Variants in MACROD1 observed in about 807,000 individuals in gnomAD.
MACROD1 encodes the protein mono-ADP ribosylhydrolase 1, also known as ADP-ribose glycohydrolase MACROD1.
MACROD1 carries 31 observed loss-of-function variants against 41.4 expected under a neutral mutation model. That is an observed-to-expected ratio of 0.75 (90% CI 0.56 to 1.01). The LOEUF (loss-of-function observed/expected upper bound fraction) is 1.01. Ranked by LOEUF, MACROD1 falls within the 50% of genes least tolerant of loss-of-function variation. The pLI, the probability that MACROD1 is intolerant of heterozygous loss-of-function variation, is 0.00. For missense variants in MACROD1, 473 were observed against 460.0 expected, an observed-to-expected ratio of 1.03 and a Z score of -0.26; for synonymous variants, 252 against 203.4, an observed-to-expected ratio of 1.24 and a Z score of -2.03.
intron 3 of MACROD1, among the ~76,000 whole-genome samples, chr11:64,022,892 T>TC (rs71045722): frequency 1.4e-5 from 2 of 145,422 alleles, no homozygotes; most frequent in African/African-American, 5.0e-5. Flanking sequence ...TTTTTTTTTT[T>TC]GAGATGGAGC....
chr11:63,999,010 G>A lies in MACROD1; in HGVS notation c.918C>T (p.Phe306=), dbSNP rs765124201. The stretch of plus-strand genomic sequence containing the variant: ...GGTAGATGTCCTCGTCCTTCTCGAG[G>A]AACACGCAGATGATCAGCCGGTCCA... The part of the protein sequence containing the change: ...DKVDRLIICV[F]LEKDEDIYRS... Residue 306 remains phenylalanine (F), a synonymous_variant, in exon 9 of 11, where the codon TTC becomes TTT. Transcript: ENST00000255681. 4 of 1,608,314 alleles carry A rather than the reference G, an allele frequency of 2.5e-6. No homozygotes were observed.
chr11:64,073,023 A>T (rs567327093), intron 3 of MACROD1, among the ~76,000 whole-genome samples: 1 of 152,276 alleles, frequency 6.6e-6, no homozygotes, highest in East Asian at 1.9e-4. Flanking sequence ...ACCCACAGGC[A>T]GCCAGAGGCA....
chr11:64,124,819 T>C (rs1297041822), intron 3 of MACROD1, among the ~76,000 whole-genome samples: 1 of 152,154 alleles, frequency 6.6e-6, no homozygotes, highest in Non-Finnish European at 1.5e-5. Context: ...TAGCTGGGAT[T>C]ACAGGCGTGT....
intron 4 of MACROD1, among the ~76,000 whole-genome samples, chr11:64,013,981 T>C (rs1427305887): frequency 6.6e-6 from 1 of 151,976 alleles, no homozygotes; most frequent in African/African-American, 2.4e-5. Context: ...ATGGTGCCAC[T>C]CCCACCCCCA....
intron 3 of MACROD1, among the ~76,000 whole-genome samples, chr11:64,017,079 C>T (rs1943091807): frequency 6.6e-6 from 1 of 152,216 alleles, no homozygotes. Flanking sequence ...AAGTGATTCT[C>T]CTGCCTCAGC....
Position 64,012,040 on chromosome 11 carries a change from G to A in MACROD1, c.547+3212C>T, listed in dbSNP as rs1291144694. On this transcript the variant is annotated intron_variant, in intron 4 of 10. Coordinates refer to ENST00000255681, the MANE Select transcript of MACROD1 (RefSeq NM_014067.4). ...TTCCAATCACATTAGCAGAGTGACAGTCCCAGCAAGTGCTGGCGGCGGCTC... is the reference window on the plus strand; with the variant it reads ...TTCCAATCACATTAGCAGAGTGACAATCCCAGCAAGTGCTGGCGGCGGCTC... 2.0e-5 allele frequency among the ~76,000 whole-genome samples: 3 copies of A among 152,162 alleles called. No homozygotes were observed. In the East Asian group the frequency reaches 5.8e-4, roughly 29 times the overall value.
chr11:64,123,376 A>G (rs1945129698), intron 3 of MACROD1, among the ~76,000 whole-genome samples: 1 of 152,212 alleles, frequency 6.6e-6, no homozygotes, highest in Admixed American at 6.5e-5. Context: ...AAGGCTCAAA[A>G]ATGCAAATCG....
At chr11:63,998,914 C>T (rs778988837) in intron 9 of MACROD1, 41 bp downstream of exon 9, 4 of 1,591,440 alleles carry the variant, frequency 2.5e-6, no homozygotes, top group Non-Finnish European at 3.4e-6. Flanking sequence ...CCAGGGTGGA[C>T]CGGGGCAGGG....
chr11:64,091,701 C>T (rs1049257650), intron 3 of MACROD1, among the ~76,000 whole-genome samples: 3 of 152,164 alleles, frequency 2.0e-5, no homozygotes, highest in Non-Finnish European at 2.9e-5. Flanking sequence ...TGAAGTTGCA[C>T]GAGGGGCCCC....
At chr11:64,131,088 T>C (rs779639485) in intron 3 of MACROD1, among the ~76,000 whole-genome samples, 9 of 152,200 alleles carry the variant, frequency 5.9e-5, no homozygotes, top group Non-Finnish European at 1.0e-4. Context: ...ATTTTTATTC[T>C]TGTGATGCAG....
chr11:64,080,146 G>A (rs1234165733), intron 3 of MACROD1, among the ~76,000 whole-genome samples: 1 of 152,174 alleles, frequency 6.6e-6, no homozygotes, highest in Non-Finnish European at 1.5e-5. Flanking sequence ...CCGAGTAGCG[G>A]GGATTACAGG....
intron 3 of MACROD1, among the ~76,000 whole-genome samples, chr11:64,017,409 C>T (rs1180868227): frequency 3.9e-5 from 6 of 152,122 alleles, no homozygotes; most frequent in Non-Finnish European, 8.8e-5. Flanking sequence ...GAGACTGAGG[C>T]TTAGGGAGCT....
At chr11:64,157,995 C>T (rs1367023727) in intron 1 of MACROD1, among the ~76,000 whole-genome samples, 1 of 152,218 alleles carries the variant, frequency 6.6e-6, no homozygotes, top group Non-Finnish European at 1.5e-5. Flanking sequence ...GCCCCCTTGT[C>T]TCTGCCCACA....
In MACROD1 at chr11:64,064,681, T is replaced by C. The variant is rs1484540178; in HGVS notation, c.518-49400A>G. Among the ~76,000 whole-genome samples the C allele has an allele frequency of 1.5e-5, 2 of 136,598 alleles. No individual in the cohort carries two copies. The highest frequency in any genetic ancestry group is 3.2e-5 in the Non-Finnish European group (2 of 61,974). The allele number at this position is 136,598 out of a possible 152,430, so 89.6% of individuals were successfully genotyped here. ...GGCAGGACATTAAACGGCACCGAGA[T>C]AGAAGGAGGGGGGCCCTCCCTGAGT... On this transcript the variant is annotated intron_variant, in intron 3 of 10. Coordinates refer to ENST00000255681, the MANE Select transcript of MACROD1 (RefSeq NM_014067.4). The surrounding 1 kb of genome is among the most constrained non-coding windows in gnomAD (Gnocchi z 4.5).
chr11:64,124,183 T>C (rs909989370), intron 3 of MACROD1, among the ~76,000 whole-genome samples: 6 of 152,184 alleles, frequency 3.9e-5, no homozygotes, highest in Non-Finnish European at 4.4e-5. Context: ...TACAGATACA[T>C]GCCACCCCCT....
intron 3 of MACROD1, among the ~76,000 whole-genome samples, chr11:64,085,244 C>T (rs10897473): frequency 0.28 from 43,215 of 152,046 alleles, 6,828 homozygotes; most frequent in East Asian, 0.43. Flanking sequence ...TGGAGAGCAG[C>T]GCTGTCCCTG....
intron 3 of MACROD1, among the ~76,000 whole-genome samples, chr11:64,083,253 T>C (rs1944334648): frequency 6.6e-6 from 1 of 152,118 alleles, no homozygotes; most frequent in Admixed American, 6.6e-5. Flanking sequence ...CTTGGCAACA[T>C]GGTGAAACCC....
chr11:64,116,300 C>T, intron 3 of MACROD1: 1 of 1,605,356 alleles, frequency 6.2e-7, no homozygotes, highest in Non-Finnish European at 8.5e-7. Context: ...CCACTGCCAC[C>T]ACCACGCCCA....
intron 3 of MACROD1, among the ~76,000 whole-genome samples, chr11:64,150,329 C>T (rs1446964969): frequency 3.3e-5 from 5 of 152,180 alleles, no homozygotes; most frequent in East Asian, 1.9e-4. Context: ...AAAGTGGGGA[C>T]GAAGGAGACT....
Sources: gnomAD v4.1 joint callset for allele counts (sites outside exome capture counted in the v4.1 genomes callset) on GRCh38, gnomAD v4.1.1 for gene constraint, Gnocchi (gnomAD v3.1) non-coding constraint, MANE v1.5 for transcripts, NCBI Gene and HGNC (gene_info 2026-07-23, HGNC 2026-07-21) for gene names.